The following TMEM68 variants were observed in gnomAD, a reference collection of about 807,000 sequenced individuals.
TMEM68 encodes transmembrane protein 68, also known as DGAT1/2-independent enzyme synthesizing storage lipids.
A neutral mutation model predicts 36.9 loss-of-function variants in TMEM68; 25 were observed. That is an observed-to-expected ratio of 0.68 (90% confidence interval 0.49 to 0.95). TMEM68 has a LOEUF of 0.95. Among genes scored for constraint, TMEM68 ranks in the 40% least tolerant of loss-of-function variants. The probability of loss-of-function intolerance (pLI) is 0.00; values close to 1 mark genes in which losing one functional copy is unlikely to be tolerated. For missense variants in TMEM68, 333 were observed against 392.0 expected, an observed-to-expected ratio of 0.85 and a Z score of 1.27; for synonymous variants, 131 against 124.4, an observed-to-expected ratio of 1.05 and a Z score of -0.35.
chr8:55,772,807 G>T (rs1811225017), intron 1 of TMEM68, among the ~76,000 whole-genome samples: 1 of 152,056 alleles, frequency 6.6e-6, no homozygotes, highest in Non-Finnish European at 1.5e-5. Flanking sequence ...CTACCCACGC[G>T]GCTTTCCCCC....
At chr8:55,769,018 T>TAAAAAA (rs200493179) in intron 1 of TMEM68, among the ~76,000 whole-genome samples, 4 of 82,092 alleles carry the variant, frequency 4.9e-5, no homozygotes, top group African/African-American at 9.9e-5. Context: ...ACTCTGTCTT[T>TAAAAAA]AAAAAAAAAA....
chr8:55,766,558 A>G (rs1412412719), intron 1 of TMEM68, among the ~76,000 whole-genome samples: 1 of 151,864 alleles, frequency 6.6e-6, no homozygotes, highest in Non-Finnish European at 1.5e-5. Context: ...TTGTATTTTC[A>G]GTAGAGACAG....
chr8:55,757,087 T>A (rs1810629544), intron 3 of TMEM68, among the ~76,000 whole-genome samples: 1 of 151,474 alleles, frequency 6.6e-6, no homozygotes, highest in African/African-American at 2.4e-5. Context: ...GAGGAGGGGG[T>A]TGAAAACATT....
rs1810131373 is a variant in TMEM68, at chr8:55,742,459, A to G, written c.888+1022T>C. Among the ~76,000 whole-genome samples the G allele has an allele frequency of 3.3e-5, 5 of 152,346 alleles. No individual in the cohort carries two copies. The South Asian group carries it at 1.0e-3, about 32-fold the overall frequency. ...CCATATGTTTTACCATAATGTTTTT[A>G]CCATAATTTATATTTTAAAATATAA... On this transcript the variant is annotated intron_variant, in intron 7 of 7. Transcript: ENST00000434581.
chr8:55,759,581 T>C (rs572889441), intron 3 of TMEM68, among the ~76,000 whole-genome samples: 1 of 151,510 alleles, frequency 6.6e-6, no homozygotes, highest in African/African-American at 2.4e-5. Flanking sequence ...CAAAAATAAA[T>C]AAATAAATAT....
intron 5 of TMEM68, among the ~76,000 whole-genome samples, chr8:55,749,670 G>A (rs1002591919): frequency 3.9e-5 from 6 of 152,084 alleles, no homozygotes; most frequent in Non-Finnish European, 7.4e-5. Context: ...CTCTGTGCCT[G>A]AGTCTCCTCA....
chr8:55,749,655 C>CAG, intron 5 of TMEM68, among the ~76,000 whole-genome samples: 1 of 152,224 alleles, frequency 6.6e-6, no homozygotes, highest in African/African-American at 2.4e-5. Flanking sequence ...TCCATCCCTC[C>CAG]ATCTCTCTGT....
intron 3 of TMEM68, among the ~76,000 whole-genome samples, chr8:55,757,356 C>T (rs1368223774): frequency 6.6e-6 from 1 of 152,164 alleles, no homozygotes; most frequent in Non-Finnish European, 1.5e-5. Context: ...TTACAAAATA[C>T]TTAAAGTCCC....
In TMEM68 at chr8:55,753,344, A is replaced by C. The variant is rs538622877; in HGVS notation, c.494-2187T>G. Among the ~76,000 whole-genome samples the C allele has an allele frequency of 5.7e-4, 86 of 152,196 alleles. 1 individual carries two copies. The Middle Eastern group carries it at 0.014, about 24-fold the overall frequency. ...TGCTAACATTAAATCTTAAAAAAAA[A>C]CCCCACAAAACTGTTTGCCTATGTT... On this transcript the variant is annotated intron_variant, in intron 4 of 7. Coordinates refer to ENST00000434581, the MANE Select transcript of TMEM68 (RefSeq NM_001286657.2).
intron 1 of TMEM68, among the ~76,000 whole-genome samples, chr8:55,771,205 T>C (rs181447039): frequency 1.3e-5 from 2 of 151,800 alleles, no homozygotes; most frequent in Non-Finnish European, 2.9e-5. Context: ...TTGACATTGA[T>C]GGTGAGGATA....
chr8:55,759,693 T>C (rs544523012), intron 3 of TMEM68, among the ~76,000 whole-genome samples: 2 of 152,344 alleles, frequency 1.3e-5, no homozygotes, highest in East Asian at 1.9e-4. Context: ...ACAGATATCA[T>C]AATGCTGTAA....
intron 3 of TMEM68, among the ~76,000 whole-genome samples, chr8:55,757,292 G>A (rs1810636026): frequency 6.6e-6 from 1 of 152,156 alleles, no homozygotes; most frequent in African/African-American, 2.4e-5. Flanking sequence ...GACAAAAACT[G>A]AGAATGGGAG....
At position 55,761,815 on chromosome 8, in the gene TMEM68, T is replaced by C. The variant is rs532207540; in HGVS notation, c.325+820A>G. 3 of 152,338 alleles carry C rather than the reference T, an allele frequency of 2.0e-5. No homozygotes were observed. The South Asian group carries it at 6.2e-4, about 32-fold the overall frequency. 9.4% of individuals were successfully genotyped at this position (152,338 alleles called of 1,614,324 possible). A position where few individuals can be genotyped will look rare whatever the true frequency, so the allele number is the denominator to read the frequency against. On this transcript the variant is annotated intron_variant, in intron 3 of 7. Transcript: ENST00000434581. ...AGTGATATATATCCTCAAGTGTCTTTTAAAGTCTGTGCTTCCTTCCATGTC... is the reference window on the plus strand; with the variant it reads ...AGTGATATATATCCTCAAGTGTCTTCTAAAGTCTGTGCTTCCTTCCATGTC...
chr8:55,744,932 C>T, intron 6 of TMEM68, 129 bp downstream of exon 6: 1 of 541,566 alleles, frequency 1.8e-6, no homozygotes, highest in Non-Finnish European at 2.9e-6. Context: ...GGACTTTAAA[C>T]AGAAAAACGT....
intron 4 of TMEM68, among the ~76,000 whole-genome samples, chr8:55,752,711 T>C (rs912774145): frequency 6.9e-6 from 1 of 145,894 alleles, no homozygotes; most frequent in Admixed American, 7.1e-5. Flanking sequence ...TAGGATAAAA[T>C]ATAGGATCCC....
intron 4 of TMEM68, chr8:55,751,416 C>A: frequency 2.4e-6 from 1 of 416,342 alleles, no homozygotes; most frequent in Non-Finnish European, 4.3e-6. Context: ...AAAACTTGGG[C>A]TTACAGAATA....
Position 55,762,876 on chromosome 8 carries a change from C to T in TMEM68, c.84G>A (p.Trp28Ter). Reference sequence around the variant, plus strand: ...AGTCCTCCAACTGCTCCACACCAAACCATTCTTCGAGTATGTGAATCAGAC... The same window carrying T: ...AGTCCTCCAACTGCTCCACACCAAATCATTCTTCGAGTATGTGAATCAGAC... ...MICLIHILEE[W>*]FGVEQLEDYL... Residue 28 changes from tryptophan (W) to a stop codon, truncating the protein, a stop_gained, in exon 3 of 8, where the codon TGG becomes TGA. Coordinates refer to ENST00000434581, the MANE Select transcript of TMEM68 (RefSeq NM_001286657.2). LOFTEE classifies it high-confidence loss of function. 2 of 1,614,198 alleles carry T rather than the reference C, an allele frequency of 1.2e-6. No individual in the cohort carries two copies. The highest frequency in any genetic ancestry group is 1.7e-6 in the Non-Finnish European group (2 of 1,180,028).
intron 1 of TMEM68, among the ~76,000 whole-genome samples, chr8:55,766,087 G>A (rs2130027228): frequency 6.6e-6 from 1 of 152,328 alleles, no homozygotes; most frequent in Non-Finnish European, 1.5e-5. Context: ...ATAAACAGCA[G>A]TGTAAGAAGA....
At chr8:55,755,210 AAG>A (rs1810566322) in intron 4 of TMEM68, among the ~76,000 whole-genome samples, 1 of 151,954 alleles carries the variant, frequency 6.6e-6, no homozygotes, top group East Asian at 1.9e-4. Flanking sequence ...TACACATGAT[AAG>A]AGACATGATG....
Sources: allele counts gnomAD v4.1 joint callset (sites outside exome capture counted in the v4.1 genomes callset), GRCh38; gene constraint gnomAD v4.1.1; transcripts MANE v1.5; gene names NCBI Gene and HGNC (gene_info 2026-07-23, HGNC 2026-07-21).